GLG1: variants seen among roughly 807,000 people sequenced by gnomAD.
GLG1 encodes Golgi apparatus protein 1.
GLG1 carries 38 observed loss-of-function variants against 160.5 expected under a neutral mutation model. The observed-to-expected ratio is 0.24, with a 90% CI of 0.18 to 0.31. The LOEUF is 0.31. GLG1 is among the 10% of genes least tolerant of loss of function. The pLI is 1.00. For missense variants in GLG1, 1,373 were observed against 1,505.2 expected (o/e 0.91, Z 1.45); for synonymous variants, 644 against 543.4 (o/e 1.19, Z -2.57).
At chr16:74,507,506 G>A (rs528160293) in intron 3 of GLG1, among the ~76,000 whole-genome samples, 2 of 152,298 alleles carry the variant, frequency 1.3e-5, no homozygotes, top group African/African-American at 4.8e-5. Context: ...GGAGGTTGAG[G>A]TGGGTGGATC....
intron 1 of GLG1, among the ~76,000 whole-genome samples, chr16:74,544,962 A>G (rs1282968047): frequency 6.6e-6 from 1 of 151,758 alleles, no homozygotes; most frequent in Non-Finnish European, 1.5e-5. Flanking sequence ...AAAATAAATC[A>G]ATCTCAAAAA....
intron 1 of GLG1, among the ~76,000 whole-genome samples, chr16:74,596,722 G>A (rs1958313429): frequency 6.6e-6 from 1 of 152,204 alleles, no homozygotes; most frequent in East Asian, 1.9e-4. Context: ...GGGGGAAAAT[G>A]AGCTATCACA....
chr16:74,500,836 GACA>G (rs2016378296), intron 4 of GLG1, among the ~76,000 whole-genome samples: 2 of 151,988 alleles, frequency 1.3e-5, no homozygotes, highest in African/African-American at 2.4e-5. Context: ...CTTTCATTTT[GACA>G]ACATTTATTA....
intron 1 of GLG1, among the ~76,000 whole-genome samples, chr16:74,539,443 ACTTGT>A (rs1444152465): frequency 6.6e-6 from 1 of 150,650 alleles, no homozygotes; most frequent in Non-Finnish European, 1.5e-5. Context: ...TGACGTTAAA[ACTTGT>A]CTTGTACCTT....
At chr16:74,509,577 C>T (rs371789165) in intron 2 of GLG1, among the ~76,000 whole-genome samples, 12 of 151,840 alleles carry the variant, frequency 7.9e-5, no homozygotes, top group African/African-American at 1.2e-4. Flanking sequence ...TTGCCAGGCG[C>T]GGTGGCTGAC....
intron 2 of GLG1, among the ~76,000 whole-genome samples, chr16:74,528,463 T>C (rs1260590223): frequency 6.6e-6 from 1 of 152,098 alleles, no homozygotes; most frequent in Non-Finnish European, 1.5e-5. Context: ...ATGTCTCTTT[T>C]TCTCTGCCTG....
At chr16:74,537,304 G>A (rs1227063385) in intron 1 of GLG1, among the ~76,000 whole-genome samples, 2 of 152,154 alleles carry the variant, frequency 1.3e-5, no homozygotes, top group Non-Finnish European at 2.9e-5. Flanking sequence ...AGTACTTGGA[G>A]ACACCTGCTT....
At chr16:74,509,849 A>G (rs1419565439) in intron 2 of GLG1, among the ~76,000 whole-genome samples, 1 of 132,236 alleles carries the variant, frequency 7.6e-6, no homozygotes, top group Non-Finnish European at 1.6e-5. Context: ...ACTCTGTCTC[A>G]AAAAAAAAAA....
rs1051990969 is a variant in GLG1 at position 74,450,695 on chromosome 16, A to G, written c.*2472T>C. On this transcript the variant is annotated 3_prime_UTR_variant, in exon 26 of 26. Transcript: ENST00000422840. The stretch of plus-strand genomic sequence containing the variant: ...GAAACCCCATCTCTACTAAAAATAC[A>G]AAAATAAGCCAGGCGTGGTGGCGGG... 4 of 152,018 alleles carry G rather than the reference A, an allele frequency of 2.6e-5. No individual in the cohort carries two copies. The highest frequency in any genetic ancestry group is 9.7e-5 in the African/African-American group (4 of 41,396). The allele number at this position is 152,018 out of a possible 1,614,324, so 9.4% of individuals were successfully genotyped here.
intron 1 of GLG1, among the ~76,000 whole-genome samples, chr16:74,549,104 C>T (rs1328827830): frequency 2.0e-5 from 3 of 152,202 alleles, no homozygotes; most frequent in Non-Finnish European, 2.9e-5. Flanking sequence ...CCTCTCTGAG[C>T]TTTAAGCATT....
At chr16:74,558,235 T>C (rs1013458140) in intron 1 of GLG1, among the ~76,000 whole-genome samples, 8 of 152,296 alleles carry the variant, frequency 5.3e-5, no homozygotes, top group African/African-American at 1.7e-4. Context: ...AACATTTCAC[T>C]TTTGGCAGTA....
intron 11 of GLG1, among the ~76,000 whole-genome samples, chr16:74,478,564 C>CA (rs2015476002): frequency 1.3e-5 from 2 of 152,124 alleles, no homozygotes; most frequent in Admixed American, 1.3e-4. Context: ...ACTAGACAGA[C>CA]ATGATGACCA....
intron 1 of GLG1, among the ~76,000 whole-genome samples, chr16:74,575,485 G>C (rs745635717): frequency 2.6e-5 from 4 of 152,314 alleles, no homozygotes; most frequent in Non-Finnish European, 4.4e-5. Flanking sequence ...ATTATGACCA[G>C]GTAACCAGAG....
In GLG1 at chr16:74,479,195, G is replaced by A. The variant is rs544322971; in HGVS notation, c.1827+1046C>T. 2.8e-5 allele frequency among the ~76,000 whole-genome samples: 4 copies of A among 141,574 alleles called. No homozygotes were observed. In the South Asian group the frequency reaches 9.0e-4, roughly 32 times the overall value. The allele number at this position is 141,574 out of a possible 152,430, so 92.9% of individuals were successfully genotyped here. Reference sequence around the variant, plus strand: ...GCCAAGATCACACCACTGCACTCCAGCCTGGGGTGCAGTGAGACACATTCA... The same window carrying A: ...GCCAAGATCACACCACTGCACTCCAACCTGGGGTGCAGTGAGACACATTCA... On this transcript the variant is annotated intron_variant, in intron 11 of 25. Coordinates refer to ENST00000422840, the MANE Select transcript of GLG1 (RefSeq NM_001145667.2).
intron 2 of GLG1, among the ~76,000 whole-genome samples, chr16:74,520,836 TTCTC>T (rs2017140665): frequency 6.6e-6 from 1 of 152,222 alleles, no homozygotes; most frequent in South Asian, 2.1e-4. Context: ...TGGGTTTTTC[TTCTC>T]TCTGAAAGCT....
intron 1 of GLG1, among the ~76,000 whole-genome samples, chr16:74,550,066 CAT>C: frequency 6.6e-6 from 1 of 152,346 alleles, no homozygotes; most frequent in South Asian, 2.1e-4. Flanking sequence ...TGCAATGAGC[CAT>C]GATCACACCA....
intron 1 of GLG1, among the ~76,000 whole-genome samples, chr16:74,603,014 C>G (rs189641266): frequency 5.1e-4 from 78 of 151,992 alleles, no homozygotes; most frequent in African/African-American, 1.8e-3. Context: ...CACTTGAACC[C>G]AGAAGGCAGA....
chr16:74,523,384 G>A (rs2017233459), intron 2 of GLG1, among the ~76,000 whole-genome samples: 1 of 152,086 alleles, frequency 6.6e-6, no homozygotes, highest in Non-Finnish European at 1.5e-5. Flanking sequence ...CCACCAGGTA[G>A]TACAGTCTCT....
intron 2 of GLG1, among the ~76,000 whole-genome samples, chr16:74,518,749 A>C (rs1017741227): frequency 2.6e-5 from 4 of 152,236 alleles, no homozygotes; most frequent in Non-Finnish European, 4.4e-5. Context: ...CTATCATCAG[A>C]GTGAACAGGC....
Sources: gnomAD v4.1 joint callset for allele counts (sites outside exome capture counted in the v4.1 genomes callset) on GRCh38, gnomAD v4.1.1 for gene constraint, MANE v1.5 for transcripts, NCBI Gene and HGNC (gene_info 2026-07-23, HGNC 2026-07-21) for gene names.